The following HDAC9 variants were observed in gnomAD, a reference collection of about 807,000 sequenced individuals.
HDAC9 encodes histone deacetylase 9, also known as MEF-2 interacting transcription repressor (MITR) protein.
A neutral mutation model predicts 139.4 loss-of-function variants in HDAC9; 41 were observed. That is an observed-to-expected ratio of 0.29 (90% CI 0.23 to 0.38). HDAC9 has a LOEUF of 0.38. Among genes scored for constraint, HDAC9 ranks in the 10% least tolerant of loss-of-function variants. The pLI is 1.00. For missense variants in HDAC9, 1,147 were observed against 1,297.0 expected, an observed-to-expected ratio of 0.88 and a Z score of 1.78; for synonymous variants, 517 against 476.2, an observed-to-expected ratio of 1.09 and a Z score of -1.12.
At chr7:18,207,039 G>T (rs1173928391) in intron 2 of HDAC9, among the ~76,000 whole-genome samples, 1 of 151,112 alleles carries the variant, frequency 6.6e-6, no homozygotes, top group African/African-American at 2.4e-5. Flanking sequence ...AGGTTCAAGT[G>T]ATTCTCCAGC....
intron 24 of HDAC9, among the ~76,000 whole-genome samples, chr7:18,968,513 A>G (rs1349268581): frequency 6.6e-6 from 1 of 152,168 alleles, no homozygotes; most frequent in Non-Finnish European, 1.5e-5. Context: ...TTTCTTTCAG[A>G]CATTGGCCTG....
intron 22 of HDAC9, among the ~76,000 whole-genome samples, chr7:18,881,922 C>T (rs372199866): frequency 1.3e-5 from 2 of 152,196 alleles, no homozygotes; most frequent in East Asian, 3.9e-4. Flanking sequence ...CAACCTTAAA[C>T]TTGAAGGGCT....
intron 22 of HDAC9, among the ~76,000 whole-genome samples, chr7:18,877,914 A>G (rs1799440789): frequency 6.6e-6 from 1 of 152,158 alleles, no homozygotes; most frequent in South Asian, 2.1e-4. Context: ...TTTAATCAAC[A>G]ATCTGAATTA....
intron 12 of HDAC9, among the ~76,000 whole-genome samples, chr7:18,721,484 T>G (rs1387012664): frequency 2.0e-5 from 3 of 152,224 alleles, no homozygotes; most frequent in Non-Finnish European, 4.4e-5. Flanking sequence ...TCGTGAATTC[T>G]TCTTTAAAGT....
chr7:18,682,581 T>A (rs1435588543), intron 12 of HDAC9, among the ~76,000 whole-genome samples: 1 of 152,084 alleles, frequency 6.6e-6, no homozygotes, highest in South Asian at 2.1e-4. Flanking sequence ...AAATAAAATA[T>A]AGCCATGGCA....
At chr7:18,880,176 C>A (rs185658486) in intron 22 of HDAC9, among the ~76,000 whole-genome samples, 1 of 151,844 alleles carries the variant, frequency 6.6e-6, no homozygotes, top group Non-Finnish European at 1.5e-5. Flanking sequence ...GGCAAGGTTG[C>A]GGAGAAAAAG....
intron 1 of HDAC9, among the ~76,000 whole-genome samples, chr7:18,382,407 G>C (rs1785522122): frequency 1.3e-5 from 2 of 152,314 alleles, no homozygotes; most frequent in Admixed American, 1.3e-4. Flanking sequence ...ATAATTCTTA[G>C]AAATATGAAG....
At chr7:18,556,643 A>T (rs1818912146) in intron 2 of HDAC9, among the ~76,000 whole-genome samples, 1 of 152,054 alleles carries the variant, frequency 6.6e-6, no homozygotes, top group Non-Finnish European at 1.5e-5. Flanking sequence ...CCACATATGG[A>T]AAAATGTTCC....
intron 1 of HDAC9, among the ~76,000 whole-genome samples, chr7:18,156,860 C>G (rs1399357630): frequency 6.6e-6 from 1 of 152,262 alleles, no homozygotes; most frequent in Non-Finnish European, 1.5e-5. Context: ...TGTGGTGGCT[C>G]ACACCTGTAA....
At chr7:18,969,059 C>A (rs1784083107) in intron 24 of HDAC9, among the ~76,000 whole-genome samples, 1 of 131,208 alleles carries the variant, frequency 7.6e-6, no homozygotes, top group Non-Finnish European at 1.7e-5. Flanking sequence ...ATGAAGTTGC[C>A]ACACACACAC....
chr7:18,510,806 C>A (rs1359023589), intron 2 of HDAC9, among the ~76,000 whole-genome samples: 2 of 152,102 alleles, frequency 1.3e-5, no homozygotes, highest in African/African-American at 4.8e-5. Context: ...ATGTACAACT[C>A]TTCTAAGAGA....
In HDAC9 at chr7:18,509,707, C is replaced by G. The variant is rs181636360; in HGVS notation, c.22+13383C>G. On this transcript the variant is annotated intron_variant, in intron 2 of 25. Transcript: ENST00000686413. ...ATGTCTGACACCATCACTGATTTCC[C>G]CTCACCTCTGTAATATTAATACTTC... Among the ~76,000 whole-genome samples the G allele has an allele frequency of 1.1e-3, 160 of 152,186 alleles. 1 individual carries two copies. Among genetic ancestry groups the G allele is most frequent in the Middle Eastern group, 0.01 (3 of 294 alleles).
chr7:18,228,286 G>A (rs1029911719), intron 2 of HDAC9, among the ~76,000 whole-genome samples: 1 of 140,234 alleles, frequency 7.1e-6, no homozygotes, highest in Non-Finnish European at 1.5e-5. Context: ...GATCCCAGAA[G>A]TAGATAACCT....
intron 1 of HDAC9, among the ~76,000 whole-genome samples, chr7:18,136,641 C>T (rs1473665570): frequency 6.6e-6 from 1 of 152,132 alleles, no homozygotes; most frequent in African/African-American, 2.4e-5. Context: ...TCTGAGGGCT[C>T]TGTTGTGTTC....
chr7:18,833,137 A>G (rs113405446), intron 19 of HDAC9, among the ~76,000 whole-genome samples: 257 of 152,358 alleles, frequency 1.7e-3, no homozygotes, highest in African/African-American at 5.4e-3. Context: ...GTGAATATGA[A>G]TACAGAATCA....
At chr7:18,378,444 T>C (rs1785170209) in intron 1 of HDAC9, among the ~76,000 whole-genome samples, 1 of 152,074 alleles carries the variant, frequency 6.6e-6, no homozygotes, top group Non-Finnish European at 1.5e-5. Context: ...CTGCTAATCA[T>C]ATTACAGTAT....
At chr7:18,864,912 A>G (rs886068484) in intron 21 of HDAC9, among the ~76,000 whole-genome samples, 1 of 152,194 alleles carries the variant, frequency 6.6e-6, no homozygotes, top group Non-Finnish European at 1.5e-5. Context: ...AAAGTAGTAC[A>G]TTTTATTTAA....
intron 1 of HDAC9, among the ~76,000 whole-genome samples, chr7:18,444,879 A>G (rs1792147568): frequency 6.6e-6 from 1 of 152,164 alleles, no homozygotes; most frequent in Non-Finnish European, 1.5e-5. Flanking sequence ...TAATCTTTGT[A>G]TTTAGTTTCT....
chr7:18,909,508 A>G (rs1802556969), intron 22 of HDAC9, among the ~76,000 whole-genome samples: 1 of 151,880 alleles, frequency 6.6e-6, no homozygotes, highest in Non-Finnish European at 1.5e-5. Context: ...TTCTTTTAGT[A>G]GTTTCGTAGT....
Sources: gnomAD v4.1 joint callset for allele counts (sites outside exome capture counted in the v4.1 genomes callset) on GRCh38, gnomAD v4.1.1 for gene constraint, MANE v1.5 for transcripts, NCBI Gene and HGNC (gene_info 2026-07-23, HGNC 2026-07-21) for gene names.